STEAP4: variants seen among roughly 807,000 people sequenced by gnomAD.
The protein encoded by STEAP4 is metalloreductase STEAP4.
A neutral mutation model predicts 43.6 loss-of-function variants in STEAP4; 36 were observed. The ratio of observed to expected loss-of-function variants is 0.83; its 90% CI spans 0.63 to 1.09. The LOEUF is 1.09. Ranked by LOEUF, STEAP4 falls within the 50% of genes least tolerant of loss-of-function variation. STEAP4 has a pLI of 0.00. For missense variants in STEAP4, 495 were observed against 546.5 expected (o/e 0.91, Z 0.94); for synonymous variants, 191 against 196.7 (o/e 0.97, Z 0.24).
intron 1 of STEAP4, among the ~76,000 whole-genome samples, chr7:88,300,667 T>G (rs1853016944): frequency 6.6e-6 from 1 of 152,092 alleles, no homozygotes; most frequent in Admixed American, 6.5e-5. Context: ...GTGCTACAAA[T>G]CAGGACTTTT....
At chr7:88,305,125 C>T (rs1162602443) in intron 1 of STEAP4, among the ~76,000 whole-genome samples, 2 of 152,132 alleles carry the variant, frequency 1.3e-5, no homozygotes, top group East Asian at 3.8e-4. Flanking sequence ...AGGGGCCAGG[C>T]CTTGTACACC....
At position 88,283,186 on chromosome 7, in the gene STEAP4, A is replaced by C; in HGVS notation, c.457-18T>G. On this transcript the variant is annotated intron_variant, in intron 2 of 4. Transcript: ENST00000380079. ...ACAAACACCTAGTTTAAAAACAGTT[A>C]ATTAATTCTGTATTTACTCCTTTTC... 3.3e-6 allele frequency: 5 copies of C among 1,517,516 alleles called. No homozygotes were observed. In the Admixed American group the frequency reaches 9.1e-5, roughly 28 times the overall value. 94.0% of individuals were successfully genotyped at this position (1,517,516 alleles called of 1,614,324 possible).
At chr7:88,304,709 A>G (rs1853099945) in intron 1 of STEAP4, among the ~76,000 whole-genome samples, 1 of 152,090 alleles carries the variant, frequency 6.6e-6, no homozygotes, top group Non-Finnish European at 1.5e-5. Flanking sequence ...TTCCAAAAAA[A>G]AAATGATTTT....
In STEAP4 at chr7:88,289,986, A is replaced by G. The variant is rs370704773; in HGVS notation, c.-2-5715T>C. Among the ~76,000 whole-genome samples the G allele has an allele frequency of 7.2e-5, 11 of 152,324 alleles. No individual in the cohort carries two copies. In the East Asian group the frequency reaches 1.9e-3, roughly 27 times the overall value. ...TAGAACTGGTTTGTGTCACAAAAGA[A>G]TGTGTGACTGCCTATCTCCTCACTT... On this transcript the variant is annotated intron_variant, in intron 1 of 4. Transcript: ENST00000380079.
At chr7:88,294,521 C>A (rs55792734) in intron 1 of STEAP4, among the ~76,000 whole-genome samples, 1,929 of 152,116 alleles carry the variant, frequency 0.013, 47 homozygotes, top group African/African-American at 0.043. Flanking sequence ...ATGCATAGAT[C>A]TCATTTAAAT....
chr7:88,293,125 C>T (rs909977291), intron 1 of STEAP4: 5 of 152,102 alleles, frequency 3.3e-5, no homozygotes, highest in African/African-American at 9.7e-5. Context: ...TACCCCTTAC[C>T]AGGTATTTAT....
At position 88,282,790 on chromosome 7, in the gene STEAP4, A is replaced by G. The variant is rs1235691830; in HGVS notation, c.835T>C (p.Phe279Leu). The G allele has an allele frequency of 6.2e-7, 1 of 1,614,216 alleles. No homozygotes were observed. Among genetic ancestry groups the G allele is most frequent in the Non-Finnish European group, 8.5e-7 (1 of 1,180,032 alleles). Reference protein sequence around the residue: ...QLYRGTKYRRFPDWLDHWMLC... With the variant: ...QLYRGTKYRRLPDWLDHWMLC... ...ATCCAGTGGTCAAGCCAGTCTGGGA[A>G]TCGACGGTATTTTGTGCCTCGGTAC... Residue 279 changes from phenylalanine to leucine, a missense_variant, in exon 3 of 5, where the codon TTC (phenylalanine) becomes CTC (leucine). By Grantham distance (22) the Phe-to-Leu change is conservative. Coordinates refer to ENST00000380079, the MANE Select transcript of STEAP4 (RefSeq NM_024636.4).
rs1396002866 is a variant in STEAP4, at chr7:88,278,112, G to C, written c.*1286C>G. ...AGCAGGCAGAAAAATGCCAAACTCA[G>C]TGCCTTTTAGTTATTTTGATATGTG... On this transcript the variant is annotated 3_prime_UTR_variant, in exon 5 of 5. Coordinates refer to ENST00000380079, the MANE Select transcript of STEAP4 (RefSeq NM_024636.4). The C allele has an allele frequency of 6.7e-6, 1 of 150,350 alleles. No homozygotes were observed. Among genetic ancestry groups the C allele is most frequent in the African/African-American group, 2.4e-5 (1 of 41,004 alleles). The allele number at this position is 150,350 out of a possible 1,614,324, so 9.3% of individuals were successfully genotyped here.
rs1563493728 is a variant in STEAP4 at position 88,277,049 on chromosome 7, A to G, written c.*2349T>C. 1 of 152,216 alleles carries G rather than the reference A, an allele frequency of 6.6e-6. No individual in the cohort carries two copies. The highest frequency in any genetic ancestry group is 6.5e-5 in the Admixed American group (1 of 15,278). 9.4% of individuals were successfully genotyped at this position (152,216 alleles called of 1,614,324 possible). A position where few individuals can be genotyped will look rare whatever the true frequency, so the allele number is the denominator to read the frequency against. ...TACTCTCTTCTTTAACAAAAAGAGCATGGTTAACTCCAAAGACTTCTCTAG... is the reference window on the plus strand; with the variant it reads ...TACTCTCTTCTTTAACAAAAAGAGCGTGGTTAACTCCAAAGACTTCTCTAG... On this transcript the variant is annotated 3_prime_UTR_variant, in exon 5 of 5. Transcript: ENST00000380079.
At chr7:88,294,226 G>C (rs1192481514) in intron 1 of STEAP4, among the ~76,000 whole-genome samples, 2 of 152,000 alleles carry the variant, frequency 1.3e-5, no homozygotes, top group African/African-American at 2.4e-5. Context: ...TATGTGACGG[G>C]TTGCAGTCAA....
chr7:88,294,575 C>A (rs1224529763), intron 1 of STEAP4, among the ~76,000 whole-genome samples: 2 of 152,058 alleles, frequency 1.3e-5, no homozygotes, highest in Non-Finnish European at 2.9e-5. Context: ...TGTAAGCAGC[C>A]TGGGGCCAAA....
chr7:88,272,874 G>C lies in STEAP4; in HGVS notation c.*6524C>G, dbSNP rs917650756. 7 of 152,152 alleles carry C rather than the reference G, an allele frequency of 4.6e-5. No homozygotes were observed. Among genetic ancestry groups the C allele is most frequent in the African/African-American group, 1.7e-4 (7 of 41,420 alleles). The allele number at this position is 152,152 out of a possible 1,614,324, so 9.4% of individuals were successfully genotyped here. On this transcript the variant is annotated 3_prime_UTR_variant, in exon 5 of 5. Coordinates refer to ENST00000380079, the MANE Select transcript of STEAP4 (RefSeq NM_024636.4). ...TGCCTAAAACAAAAGATTTCCTGTT[G>C]GTGATGGTCAATACTCCATCATGAG...
chr7:88,283,612 A>C (rs1406997297), intron 2 of STEAP4: 8 of 633,062 alleles, frequency 1.3e-5, no homozygotes, highest in Admixed American at 3.1e-5. Context: ...TCAAACTAAA[A>C]TCTGAGGGTG....
chr7:88,301,984 T>A (rs1772908096), intron 1 of STEAP4, among the ~76,000 whole-genome samples: 1 of 152,196 alleles, frequency 6.6e-6, no homozygotes, highest in Admixed American at 6.5e-5. Context: ...AATACCAAGG[T>A]TCCTGCAGTT....
chr7:88,301,823 G>A (rs1030096577), intron 1 of STEAP4, among the ~76,000 whole-genome samples: 4 of 151,888 alleles, frequency 2.6e-5, no homozygotes, highest in Non-Finnish European at 5.9e-5. Flanking sequence ...CAATCCGCCC[G>A]CCTCAGCCTC....
chr7:88,279,288 A>C lies in STEAP4; in HGVS notation c.*110T>G. ...CCCTCAGTCACGGTGTAAGAAAAAA[A>C]CTTTCCTAACTGTACCCATCATTCT... On this transcript the variant is annotated 3_prime_UTR_variant, in exon 5 of 5. Transcript: ENST00000380079. The C allele has an allele frequency of 1.0e-6, 1 of 997,724 alleles. No individual in the cohort carries two copies. Among genetic ancestry groups the C allele is most frequent in the South Asian group, 1.6e-5 (1 of 60,994 alleles). 61.8% of individuals were successfully genotyped at this position (997,724 alleles called of 1,614,324 possible). A position where few individuals can be genotyped will look rare whatever the true frequency, so the allele number is the denominator to read the frequency against.
chr7:88,305,104 G>T (rs2116042927), intron 1 of STEAP4, among the ~76,000 whole-genome samples: 1 of 152,280 alleles, frequency 6.6e-6, no homozygotes, highest in Admixed American at 6.5e-5. Context: ...TCTGGAAATT[G>T]TTCTTCAGCT....
At position 88,280,960 on chromosome 7, in the gene STEAP4, T is replaced by G. The variant is rs372170845; in HGVS notation, c.1104A>C (p.Pro368=). The G allele has an allele frequency of 6.2e-7, 1 of 1,612,272 alleles. No individual in the cohort carries two copies. Among genetic ancestry groups the G allele is most frequent in the African/African-American group, 1.3e-5 (1 of 74,786 alleles). ...LFVLLGITSL[P]SVSNAVNWRE... ...TCCAGTTGACTGCATTGCTAACAGA[T>G]GGCAAAGAAGTGATTCCCAAGAGTA... Residue 368 remains proline, a synonymous_variant, in exon 4 of 5, where the codon CCA becomes CCC. Coordinates refer to ENST00000380079, the MANE Select transcript of STEAP4 (RefSeq NM_024636.4).
intron 1 of STEAP4, among the ~76,000 whole-genome samples, chr7:88,296,724 C>A (rs1852930593): frequency 6.6e-6 from 1 of 152,082 alleles, no homozygotes; most frequent in South Asian, 2.1e-4. Context: ...TAAAAACCTT[C>A]CATGAAAACA....
Sources: gnomAD v4.1 joint callset for allele counts (sites outside exome capture counted in the v4.1 genomes callset) on GRCh38, gnomAD v4.1.1 for gene constraint, MANE v1.5 for transcripts, NCBI Gene and HGNC (gene_info 2026-07-23, HGNC 2026-07-21) for gene names.